Variants in ABLIM1 observed in about 807,000 individuals in gnomAD.
ABLIM1 encodes the protein actin binding LIM protein 1.
In ABLIM1, 40 loss-of-function variants were observed where a neutral mutation model predicts 107.0. The observed-to-expected ratio is 0.37, with a 90% CI of 0.29 to 0.49. The LOEUF (loss-of-function observed/expected upper bound fraction) is 0.49. Among genes scored for constraint, ABLIM1 ranks in the 20% least tolerant of loss-of-function variants. The probability of loss-of-function intolerance (pLI) is 0.97; values close to 1 mark genes in which losing one functional copy is unlikely to be tolerated. For synonymous variants in ABLIM1, 357 were observed against 357.3 expected (o/e 1.00, Z 0.01); for missense variants, 857 against 1,008.5 (o/e 0.85, Z 2.04).
At chr10:114,601,047 AATACACACACAC>A (rs1388197121) in intron 2 of ABLIM1, among the ~76,000 whole-genome samples, 1 of 111,092 alleles carries the variant, frequency 9.0e-6, no homozygotes, top group Non-Finnish European at 1.8e-5. Context: ...CTCACATCTC[AATACACACACAC>A]ACACACACAC....
rs141062346 is a variant in ABLIM1 at position 114,760,380 on chromosome 10, C to T, written c.-213+7681G>A. Among the ~76,000 whole-genome samples, 61 of 151,128 alleles carry T rather than the reference C, an allele frequency of 4.0e-4. No homozygotes were observed. The South Asian group carries it at 4.4e-3, about 11-fold the overall frequency. On this transcript the variant is annotated intron_variant, in intron 1 of 15. Transcript: ENST00000651092. ...CAACCCCACTGACTTCTATTCCATT[C>T]TCAGCAAGAAGAAAATTTCTCCTTC... is the stretch of plus-strand genomic sequence containing the variant.
At chr10:114,505,432 A>G (rs2060990767) in intron 6 of ABLIM1, among the ~76,000 whole-genome samples, 1 of 152,192 alleles carries the variant, frequency 6.6e-6, no homozygotes, top group Admixed American at 6.5e-5. Context: ...GGAATGCACA[A>G]TAACAGCAAT....
At position 114,563,063 on chromosome 10, in the gene ABLIM1, C is replaced by CA. The variant is rs575473932; in HGVS notation, c.673+8233dup. 7.2e-5 allele frequency among the ~76,000 whole-genome samples: 11 copies of CA among 152,258 alleles called. No homozygotes were observed. In the East Asian group the frequency reaches 2.1e-3, roughly 29 times the overall value. ...GGGTTTCAGCCTTTTGTGTGACACT[C>CA]AGACAAATAAATGATTTTGGAAAAG... On this transcript the variant is annotated intron_variant, in intron 4 of 22. Transcript: ENST00000533213.
chr10:114,671,364 G>A (rs1214389515), intron 1 of ABLIM1, among the ~76,000 whole-genome samples: 1 of 152,120 alleles, frequency 6.6e-6, no homozygotes, highest in Non-Finnish European at 1.5e-5. Flanking sequence ...GGTTTTTCTA[G>A]TTTGGGGCTA....
chr10:114,658,267 A>G lies in ABLIM1; in HGVS notation c.-67T>C. 1 of 1,534,780 alleles carries G rather than the reference A, an allele frequency of 6.5e-7. No homozygotes were observed. Among genetic ancestry groups the G allele is most frequent in the Non-Finnish European group, 8.8e-7 (1 of 1,139,798 alleles). Reference sequence around the variant, plus strand: ...ACCCAAGGAGCGGTGCTGCCCCACAATTCTCTCTGTTCCCCTGGCTCCTTA... The same window carrying G: ...ACCCAAGGAGCGGTGCTGCCCCACAGTTCTCTCTGTTCCCCTGGCTCCTTA... On this transcript the variant is annotated 5_prime_UTR_variant, in exon 1 of 23. Transcript: ENST00000533213.
chr10:114,784,070 G>A, the ABLIM1 span, among the ~76,000 whole-genome samples: 7,827 of 151,912 alleles, frequency 0.052, 699 homozygotes, highest in African/African-American at 0.18. Context: ...CGGATGGGCC[G>A]GGCGCAGTGG....
intron 1 of ABLIM1, among the ~76,000 whole-genome samples, chr10:114,663,331 A>G (rs192702520): frequency 2.0e-5 from 3 of 152,296 alleles, no homozygotes; most frequent in African/African-American, 7.2e-5. Context: ...AAGGTTATCT[A>G]TAGACTGTCT....
chr10:114,791,132 G>GAGCGATCAT, the ABLIM1 span, among the ~76,000 whole-genome samples: 8 of 152,022 alleles, frequency 5.3e-5, no homozygotes, highest in African/African-American at 1.7e-4. Flanking sequence ...GAGTGTACTG[G>GAGCGATCAT]AGCGATCATA....
chr10:114,746,075 T>C (rs2082378501), intron 1 of ABLIM1, among the ~76,000 whole-genome samples: 1 of 152,196 alleles, frequency 6.6e-6, no homozygotes, highest in African/African-American at 2.4e-5. Context: ...TATTAACATA[T>C]ATATCACCTC....
intron 1 of ABLIM1, among the ~76,000 whole-genome samples, chr10:114,643,954 C>T (rs916084457): frequency 1.1e-4 from 17 of 151,702 alleles, no homozygotes; most frequent in African/African-American, 2.9e-4. Flanking sequence ...ATGTTTCTTT[C>T]GGACAGACTG....
upstream of ABLIM1, chr10:114,768,166 GC>G: frequency 7.9e-5 from 18 of 228,738 alleles, 1 homozygote; most frequent in South Asian, 6.5e-4. Flanking sequence ...CCCGGCCCCG[GC>G]CCCCTCCGGC....
chr10:114,599,743 C>T (rs1313694288), intron 2 of ABLIM1, among the ~76,000 whole-genome samples: 1 of 151,778 alleles, frequency 6.6e-6, no homozygotes, highest in Non-Finnish European at 1.5e-5. Context: ...GCTGAGATCA[C>T]ACCACTGCAC....
intron 1 of ABLIM1, among the ~76,000 whole-genome samples, chr10:114,766,898 G>A (rs2082908044): frequency 6.6e-6 from 1 of 152,150 alleles, no homozygotes; most frequent in African/African-American, 2.4e-5. Context: ...TAGGCAGGTA[G>A]TATCTCAGAG....
At chr10:114,605,887 C>T (rs2140102097) in intron 1 of ABLIM1, among the ~76,000 whole-genome samples, 1 of 152,226 alleles carries the variant, frequency 6.6e-6, no homozygotes, top group African/African-American at 2.4e-5. Context: ...AACTCCAGTG[C>T]AGGACAGAAA....
intron 3 of ABLIM1, 69 bp from the exon 4 acceptor site, chr10:114,571,475 C>A: frequency 6.8e-7 from 1 of 1,466,608 alleles, no homozygotes; most frequent in Non-Finnish European, 9.5e-7. Context: ...ATTCCTTCTG[C>A]TTGCTGCCCT....
At chr10:114,605,656 T>C (rs942584460) in intron 1 of ABLIM1, among the ~76,000 whole-genome samples, 1 of 152,062 alleles carries the variant, frequency 6.6e-6, no homozygotes, top group Non-Finnish European at 1.5e-5. Flanking sequence ...GATTGTACAA[T>C]GAAAAACCAA....
At position 114,673,256 on chromosome 10, in the gene ABLIM1, TAA is replaced by T. The variant is rs10712808; in HGVS notation, c.64+11032_64+11033del. 3.1e-3 allele frequency among the ~76,000 whole-genome samples: 402 copies of T among 130,158 alleles called. 2 individuals are homozygous for T. The highest frequency in any genetic ancestry group is 9.6e-3 in the African/African-American group (331 of 34,418). The allele number at this position is 130,158 out of a possible 152,430, so 85.4% of individuals were successfully genotyped here. A position where few individuals can be genotyped will look rare whatever the true frequency, so the allele number is the denominator to read the frequency against. On this transcript the variant is annotated intron_variant, in intron 1 of 23. Coordinates refer to the ABLIM1 transcript ENST00000369256. The stretch of plus-strand genomic sequence containing the variant: ...CTGGGTGACAGAGCAAGACTCCAGC[TAA>T]AAAAAAAAAAAACAAAAAAAAAACA...
intron 2 of ABLIM1, among the ~76,000 whole-genome samples, chr10:114,592,684 A>G (rs1221995157): frequency 6.6e-6 from 1 of 152,162 alleles, no homozygotes; most frequent in Non-Finnish European, 1.5e-5. Context: ...TATCTTTGGG[A>G]TAATGATAAA....
intron 4 of ABLIM1, among the ~76,000 whole-genome samples, chr10:114,563,802 C>T (rs7923416): frequency 7.0e-6 from 1 of 143,148 alleles, no homozygotes; most frequent in Admixed American, 7.2e-5. Context: ...GCCAAGATTG[C>T]ACCACTGTAC....
Sources: allele counts gnomAD v4.1 joint callset (sites outside exome capture counted in the v4.1 genomes callset), GRCh38; gene constraint gnomAD v4.1.1; transcripts MANE v1.5; gene names NCBI Gene and HGNC (gene_info 2026-07-23, HGNC 2026-07-21).